Variants in RIN3 observed in about 807,000 individuals in gnomAD.
RIN3 encodes the protein Ras and Rab interactor 3.
In RIN3, 54 loss-of-function variants were observed where a neutral mutation model predicts 76.3. That is an observed-to-expected ratio of 0.71 (90% confidence interval 0.57 to 0.89). RIN3 has a LOEUF of 0.89. RIN3 is among the 40% of genes least tolerant of loss of function. The pLI is 0.00. For synonymous variants in RIN3, 576 were observed against 564.0 expected (o/e 1.02, Z -0.30); for missense variants, 1,256 against 1,322.1 (o/e 0.95, Z 0.78).
chr14:92,578,103 G>C (rs1898311198), intron 3 of RIN3, among the ~76,000 whole-genome samples: 1 of 151,952 alleles, frequency 6.6e-6, no homozygotes, highest in Admixed American at 6.6e-5. Context: ...AGGTGTGGTG[G>C]CATGCACCTG....
Position 92,683,037 on chromosome 14 carries a change from C to G in RIN3, c.2468-1950C>G, listed in dbSNP as rs535045529. Among the ~76,000 whole-genome samples, 4 of 152,160 alleles carry G rather than the reference C, an allele frequency of 2.6e-5. No individual in the cohort carries two copies. The East Asian group carries it at 7.7e-4, about 29-fold the overall frequency. Reference sequence around the variant, plus strand: ...AAAAAGTTAGCCAGGCGTGGTGGTGCGTGCCTATAATCCCAGCTACTCAGG... The same window carrying G: ...AAAAAGTTAGCCAGGCGTGGTGGTGGGTGCCTATAATCCCAGCTACTCAGG... On this transcript the variant is annotated intron_variant, in intron 8 of 9. Transcript: ENST00000216487.
At chr14:92,605,137 C>G (rs2090281728) in intron 3 of RIN3, among the ~76,000 whole-genome samples, 1 of 151,972 alleles carries the variant, frequency 6.6e-6, no homozygotes. Flanking sequence ...TCTCAAATAC[C>G]TGAGTTCAAG....
intron 1 of RIN3, among the ~76,000 whole-genome samples, chr14:92,529,253 C>CTTTTT (rs869262910): frequency 7.0e-6 from 1 of 143,140 alleles, no homozygotes; most frequent in African/African-American, 2.5e-5. Context: ...CTTTTTTTTT[C>CTTTTT]TTTTTTTTTT....
At position 92,634,216 on chromosome 14, in the gene RIN3, A is replaced by G. The variant is rs1002703869; in HGVS notation, c.441-7022A>G. Among the ~76,000 whole-genome samples, 3 of 151,886 alleles carry G rather than the reference A, an allele frequency of 2.0e-5. No homozygotes were observed. The South Asian group carries it at 6.2e-4, about 32-fold the overall frequency. On this transcript the variant is annotated intron_variant, in intron 4 of 9. Transcript: ENST00000216487. Reference sequence around the variant, plus strand: ...CAGCCTCCCACATAGCTGGGATTACAGGCACCTGCCACCATGCCCTGCTAA... The same window carrying G: ...CAGCCTCCCACATAGCTGGGATTACGGGCACCTGCCACCATGCCCTGCTAA...
intron 1 of RIN3, among the ~76,000 whole-genome samples, chr14:92,515,853 G>A (rs1304839933): frequency 6.6e-6 from 1 of 152,200 alleles, no homozygotes; most frequent in South Asian, 2.1e-4. Flanking sequence ...GCTAAAACAT[G>A]GCTTTGTTTT....
At chr14:92,572,676 C>T (rs1898095086) in intron 2 of RIN3, among the ~76,000 whole-genome samples, 2 of 152,058 alleles carry the variant, frequency 1.3e-5, no homozygotes, top group African/African-American at 4.8e-5. Context: ...TTCGTAACTG[C>T]TTCCTGCAGT....
chr14:92,517,359 G>T (rs903427151), intron 1 of RIN3, among the ~76,000 whole-genome samples: 3 of 152,132 alleles, frequency 2.0e-5, no homozygotes, highest in Non-Finnish European at 4.4e-5. Context: ...TCTGGGGAGA[G>T]AATTACAGAA....
intron 1 of RIN3, among the ~76,000 whole-genome samples, chr14:92,525,822 A>C (rs1002559134): frequency 6.6e-6 from 1 of 152,190 alleles, no homozygotes; most frequent in Admixed American, 6.5e-5. Flanking sequence ...AGGGACCCTC[A>C]GTCTTGTGGG....
chr14:92,671,533 G>A (rs1404238213), intron 7 of RIN3, among the ~76,000 whole-genome samples: 1 of 152,214 alleles, frequency 6.6e-6, no homozygotes, highest in Non-Finnish European at 1.5e-5. Flanking sequence ...GGCAGATCTT[G>A]AAGGATGAGT....
At chr14:92,660,930 G>A (rs965952008) in intron 7 of RIN3, among the ~76,000 whole-genome samples, 4 of 152,180 alleles carry the variant, frequency 2.6e-5, no homozygotes, top group Non-Finnish European at 2.9e-5. Flanking sequence ...ACCTGGACAC[G>A]GCTGCCATGG....
At chr14:92,575,326 C>T (rs940552608) in intron 2 of RIN3, among the ~76,000 whole-genome samples, 3 of 151,980 alleles carry the variant, frequency 2.0e-5, no homozygotes, top group African/African-American at 4.8e-5. Flanking sequence ...AAAGGGCTCC[C>T]GATCCAGACC....
At chr14:92,630,763 C>T (rs1886546719) in intron 4 of RIN3, among the ~76,000 whole-genome samples, 1 of 152,212 alleles carries the variant, frequency 6.6e-6, no homozygotes, top group African/African-American at 2.4e-5. Flanking sequence ...GGGATGTCAG[C>T]TCCCAGGCCT....
chr14:92,613,298 G>A (rs1465230545), intron 3 of RIN3, among the ~76,000 whole-genome samples: 1 of 152,192 alleles, frequency 6.6e-6, no homozygotes, highest in East Asian at 1.9e-4. Flanking sequence ...GTGGCACTGG[G>A]ACGCTCGGGG....
At chr14:92,612,217 A>C (rs75253982) in intron 3 of RIN3, among the ~76,000 whole-genome samples, 3 of 152,342 alleles carry the variant, frequency 2.0e-5, no homozygotes, top group East Asian at 3.9e-4. Context: ...CACAGAGAGA[A>C]GCAACAACCT....
At chr14:92,564,256 G>A (rs1054905132) in intron 2 of RIN3, among the ~76,000 whole-genome samples, 11 of 152,202 alleles carry the variant, frequency 7.2e-5, no homozygotes, top group Non-Finnish European at 1.5e-4. Context: ...GGGGAGCGTG[G>A]TGGCTGCATA....
At chr14:92,524,191 C>G (rs1024676472) in intron 1 of RIN3, among the ~76,000 whole-genome samples, 11 of 152,136 alleles carry the variant, frequency 7.2e-5, no homozygotes, top group African/African-American at 2.7e-4. Flanking sequence ...GAGATCCTGT[C>G]TGTATCCAAA....
chr14:92,539,448 C>T (rs1175601326), intron 1 of RIN3, among the ~76,000 whole-genome samples: 1 of 152,294 alleles, frequency 6.6e-6, no homozygotes, highest in South Asian at 2.1e-4. Context: ...CAAAGAGAGC[C>T]TGAGTCACTT....
At position 92,521,980 on chromosome 14, in the gene RIN3, C is replaced by T. The variant is rs1198983919; in HGVS notation, c.44+8004C>T. Among the ~76,000 whole-genome samples, 7 of 150,312 alleles carry T rather than the reference C, an allele frequency of 4.7e-5. 1 individual carries two copies. Among genetic ancestry groups the T allele is most frequent in the Admixed American group, 3.3e-4 (5 of 15,168 alleles). On this transcript the variant is annotated intron_variant, in intron 1 of 9. Coordinates refer to ENST00000216487, the MANE Select transcript of RIN3 (RefSeq NM_024832.5). ...AGAAGCGTATTGCAGATAGGAGAAA[C>T]GCACCGAGTGGGAAAGGACAAGTTG...
At chr14:92,632,991 T>C (rs981617205) in intron 4 of RIN3, among the ~76,000 whole-genome samples, 2 of 152,168 alleles carry the variant, frequency 1.3e-5, no homozygotes, top group African/African-American at 4.8e-5. Context: ...CAGACTGCTC[T>C]TCAGCGAGCA....
Sources: gnomAD v4.1 joint callset for allele counts (sites outside exome capture counted in the v4.1 genomes callset) on GRCh38, gnomAD v4.1.1 for gene constraint, MANE v1.5 for transcripts, NCBI Gene and HGNC (gene_info 2026-07-23, HGNC 2026-07-21) for gene names.